Variants in ABL1 observed in about 807,000 individuals in gnomAD.
ABL1 encodes the protein ABL proto-oncogene 1, non-receptor tyrosine kinase.
Under a neutral mutation model 94.7 loss-of-function variants are expected in ABL1, and 11 were observed. The ratio of observed to expected loss-of-function variants is 0.12; its 90% CI spans 0.07 to 0.19. The LOEUF (loss-of-function observed/expected upper bound fraction) is 0.19, where lower values mean the gene tolerates loss of function less well. Ranked by LOEUF, ABL1 falls within the 10% of genes least tolerant of loss-of-function variation. The probability of loss-of-function intolerance (pLI) is 1.00; values close to 1 mark genes in which losing one functional copy is unlikely to be tolerated. For synonymous variants in ABL1, 656 were observed against 622.4 expected (o/e 1.05, Z -0.80); for missense variants, 1,082 against 1,489.4 (o/e 0.73, Z 4.50).
intron 1 of ABL1, among the ~76,000 whole-genome samples, chr9:130,728,580 C>T (rs968852744): frequency 1.3e-5 from 2 of 151,086 alleles, no homozygotes; most frequent in Non-Finnish European, 2.9e-5. Context: ...TTAGAAGAGA[C>T]GGAGTTTCAC....
rs185187041 is a variant in ABL1 at position 130,878,769 on chromosome 9, C to G, written c.1423+202C>G. 8.3e-3 allele frequency among the ~76,000 whole-genome samples: 1,265 copies of G among 151,814 alleles called. 5 individuals carry two copies. The highest frequency in any genetic ancestry group is 0.019 in the Admixed American group (295 of 15,258). Reference sequence around the variant, plus strand: ...TATGTGCGTGACTTGTCTTTTAAAGCAAAAATGGTATTGATAGATACCAAA... The same window carrying G: ...TATGTGCGTGACTTGTCTTTTAAAGGAAAAATGGTATTGATAGATACCAAA... On this transcript the variant is annotated intron_variant, in intron 8 of 10. Coordinates refer to ENST00000318560, the MANE Select transcript of ABL1 (RefSeq NM_005157.6).
chr9:130,770,949 GATA>G (rs1201396770), intron 1 of ABL1, among the ~76,000 whole-genome samples: 1 of 152,184 alleles, frequency 6.6e-6, no homozygotes, highest in Non-Finnish European at 1.5e-5. Context: ...TGAAGGAACA[GATA>G]ATATCTCAAC....
At chr9:130,717,990 C>T (rs1239116090) in intron 1 of ABL1, among the ~76,000 whole-genome samples, 3 of 141,880 alleles carry the variant, frequency 2.1e-5, no homozygotes, top group African/African-American at 8.1e-5. Flanking sequence ...CCAGCCTGGG[C>T]AACAAGAGCG....
At chr9:130,724,789 T>C (rs1347142101) in intron 1 of ABL1, 2 of 459,982 alleles carry the variant, frequency 4.3e-6, no homozygotes, top group South Asian at 1.6e-5. Flanking sequence ...ATTCTTGAGA[T>C]GAACTGGATG....
intron 1 of ABL1, among the ~76,000 whole-genome samples, chr9:130,827,514 T>C (rs1013148939): frequency 1.3e-5 from 2 of 152,272 alleles, no homozygotes; most frequent in Non-Finnish European, 1.5e-5. Flanking sequence ...TCTAACCTGA[T>C]ATTAATAGAT....
intron 1 of ABL1, among the ~76,000 whole-genome samples, chr9:130,765,756 C>T (rs1832174959): frequency 6.6e-6 from 1 of 152,188 alleles, no homozygotes; most frequent in Non-Finnish European, 1.5e-5. Context: ...GTTCCCTTTG[C>T]TGCTTTCTTC....
intron 1 of ABL1, among the ~76,000 whole-genome samples, chr9:130,845,463 TC>T (rs1830752331): frequency 6.6e-6 from 1 of 151,954 alleles, no homozygotes; most frequent in Non-Finnish European, 1.5e-5. Flanking sequence ...TGCCTCAGCC[TC>T]CCGAGTAGCT....
intron 1 of ABL1, among the ~76,000 whole-genome samples, chr9:130,837,204 G>A (rs1471127127): frequency 6.6e-6 from 1 of 152,188 alleles, no homozygotes; most frequent in Admixed American, 6.5e-5. Context: ...CCTAAAAGTT[G>A]ATGTCTGAGC....
chr9:130,798,400 T>C (rs566581892), intron 1 of ABL1, among the ~76,000 whole-genome samples: 1 of 152,304 alleles, frequency 6.6e-6, no homozygotes, highest in African/African-American at 2.4e-5. Flanking sequence ...GTGATGGTTA[T>C]TAAGTATCGC....
chr9:130,879,985 T>G, intron 8 of ABL1, 83 bp from the exon 9 acceptor site: 1 of 1,311,908 alleles, frequency 7.6e-7, no homozygotes, highest in Non-Finnish European at 1.1e-6. Flanking sequence ...TTGCTTTCAT[T>G]CTAGACTTTT....
intron 1 of ABL1, 76 bp from the exon 2 acceptor site, chr9:130,853,988 T>C: frequency 6.8e-7 from 1 of 1,461,298 alleles, no homozygotes; most frequent in Non-Finnish European, 9.2e-7. Flanking sequence ...TATTTTTGCT[T>C]CTGAGAATAA....
chr9:130,786,079 C>T (rs1208200747), intron 1 of ABL1, among the ~76,000 whole-genome samples: 1 of 152,134 alleles, frequency 6.6e-6, no homozygotes, highest in African/African-American at 2.4e-5. Flanking sequence ...CCACGCCACA[C>T]CACACAGGCA....
At chr9:130,815,949 T>G (rs541762324) in intron 1 of ABL1, among the ~76,000 whole-genome samples, 102 of 152,108 alleles carry the variant, frequency 6.7e-4, no homozygotes, top group African/African-American at 2.1e-3. Flanking sequence ...ACCCAGGAGG[T>G]GGAGGTTGCA....
In ABL1 at chr9:130,873,019, A is replaced by G. The variant is rs371489484; in HGVS notation, c.1067A>G (p.Lys356Arg). The G allele has an allele frequency of 1.2e-6, 2 of 1,613,796 alleles. No individual in the cohort carries two copies. The highest frequency in any genetic ancestry group is 1.7e-6 in the Non-Finnish European group (2 of 1,179,906). ...QISSAMEYLE[K>R]KNFIHRDLAA... ...TCGTCAGCCATGGAGTACCTGGAGA[A>G]GAAAAACTTCATCCACAGGTAGGGG... The change falls in exon 6 of 11, where the codon AAG (lysine) becomes AGG (arginine). Residue 356 changes from lysine to arginine, a missense_variant. Physicochemically the swap from Lys to Arg is conservative, Grantham distance 26. Coordinates refer to ENST00000318560, the MANE Select transcript of ABL1 (RefSeq NM_005157.6).
intron 1 of ABL1, among the ~76,000 whole-genome samples, chr9:130,813,588 A>C (rs904399924): frequency 1.3e-5 from 2 of 151,202 alleles, no homozygotes; most frequent in Non-Finnish European, 2.9e-5. Flanking sequence ...AAAAAAAAGA[A>C]AGTATGATCT....
In ABL1 at chr9:130,887,501, C is replaced by T. The variant is rs1338932929; in HGVS notation, c.*1818C>T. The T allele has an allele frequency of 1.3e-5, 3 of 233,226 alleles. No individual in the cohort carries two copies. Among genetic ancestry groups the T allele is most frequent in the African/African-American group, 6.6e-5 (3 of 45,290 alleles). The allele number at this position is 233,226 out of a possible 1,614,324, so 14.4% of individuals were successfully genotyped here. Reference sequence around the variant, plus strand: ...ATGCATCTTTTATAGACGCTCTTTTCTAAGTGGCGTGTGCATAGCGTCCTG... The same window carrying T: ...ATGCATCTTTTATAGACGCTCTTTTTTAAGTGGCGTGTGCATAGCGTCCTG... On this transcript the variant is annotated 3_prime_UTR_variant, in exon 11 of 11. Transcript: ENST00000318560.
intron 10 of ABL1, among the ~76,000 whole-genome samples, chr9:130,882,559 G>T (rs1246916920): frequency 2.0e-5 from 3 of 151,232 alleles, no homozygotes; most frequent in Non-Finnish European, 4.4e-5. Context: ...TTTTTGAGAT[G>T]GAGTCTCACT....
Position 130,732,044 on chromosome 9 carries a change from C to G in ABL1, c.136+17589C>G, listed in dbSNP as rs118069060. On this transcript the variant is annotated intron_variant, in intron 1 of 10. Coordinates refer to the ABL1 transcript ENST00000372348. ...TTTTTTTTTTTCCAATTGTATTTTT[C>G]TTTGACACTCAGTACTTGTCCCTTG... Among the ~76,000 whole-genome samples, 541 of 143,292 alleles carry G rather than the reference C, an allele frequency of 3.8e-3. 3 individuals are homozygous for G. Among genetic ancestry groups the G allele is most frequent in the Middle Eastern group, 7.0e-3 (2 of 286 alleles). 94.0% of individuals were successfully genotyped at this position (143,292 alleles called of 152,430 possible). A position where few individuals can be genotyped will look rare whatever the true frequency, so the allele number is the denominator to read the frequency against.
intron 1 of ABL1, among the ~76,000 whole-genome samples, chr9:130,781,946 C>T (rs1043509718): frequency 6.6e-6 from 1 of 152,198 alleles, no homozygotes; most frequent in Admixed American, 6.5e-5. Context: ...TGCACACATA[C>T]ATGTACGTAT....
Sources: allele counts gnomAD v4.1 joint callset (sites outside exome capture counted in the v4.1 genomes callset), GRCh38; gene constraint gnomAD v4.1.1; transcripts MANE v1.5; gene names NCBI Gene and HGNC (gene_info 2026-07-23, HGNC 2026-07-21).